PABPC4L: variants seen among roughly 807,000 people sequenced by gnomAD.
PABPC4L encodes the protein poly(A) binding protein cytoplasmic 4 like.
For missense variants in PABPC4L, 452 were observed against 451.4 expected, an observed-to-expected ratio of 1.00 and a Z score of -0.01; for synonymous variants, 169 against 164.1, an observed-to-expected ratio of 1.03 and a Z score of -0.23.
At chr4:134,190,810 C>T in the PABPC4L span, among the ~76,000 whole-genome samples, 1 of 151,954 alleles carries the variant, frequency 6.6e-6, no homozygotes, top group Non-Finnish European at 1.5e-5. Flanking sequence ...CCTCACCACG[C>T]CTAGCTGATT....
Position 134,199,016 on chromosome 4 carries a change from T to A in PABPC4L, c.*891A>T, listed in dbSNP as rs1729756997. ...AACAATATAAAAGAGATTTTAAAAGTTTTTAAACAGAATTTCTATAATCTG... is the reference window on the plus strand; with the variant it reads ...AACAATATAAAAGAGATTTTAAAAGATTTTAAACAGAATTTCTATAATCTG... On this transcript the variant is annotated 3_prime_UTR_variant, in exon 2 of 2. Coordinates refer to ENST00000421491, the MANE Select transcript of PABPC4L (RefSeq NM_001114734.2). 1 of 151,956 alleles carries A rather than the reference T, an allele frequency of 6.6e-6. No individual in the cohort carries two copies. Among genetic ancestry groups the A allele is most frequent in the Non-Finnish European group, 1.5e-5 (1 of 67,904 alleles). 9.4% of individuals were successfully genotyped at this position (151,956 alleles called of 1,614,324 possible). A position where few individuals can be genotyped will look rare whatever the true frequency, so the allele number is the denominator to read the frequency against.
the PABPC4L span, among the ~76,000 whole-genome samples, chr4:134,102,330 T>C: frequency 6.6e-6 from 1 of 151,370 alleles, no homozygotes; most frequent in African/African-American, 2.4e-5. Context: ...CTCATAAAAG[T>C]GCTATGAAAC....
the PABPC4L span, among the ~76,000 whole-genome samples, chr4:134,014,182 A>C: frequency 6.6e-6 from 1 of 152,094 alleles, no homozygotes; most frequent in Non-Finnish European, 1.5e-5. Flanking sequence ...TTTATTACCC[A>C]ATCTGCTCCC....
At chr4:133,983,255 C>A in the PABPC4L span, among the ~76,000 whole-genome samples, 1 of 151,914 alleles carries the variant, frequency 6.6e-6, no homozygotes, top group Admixed American at 6.6e-5. Context: ...AGTAACTTAG[C>A]CTCTTTGAGA....
the PABPC4L span, among the ~76,000 whole-genome samples, chr4:133,952,862 A>T: frequency 2.6e-5 from 4 of 152,050 alleles, no homozygotes; most frequent in Non-Finnish European, 4.4e-5. Flanking sequence ...ATTTGTTCTG[A>T]TCCCAGCCTA....
the PABPC4L span, among the ~76,000 whole-genome samples, chr4:133,952,283 T>C: frequency 6.6e-6 from 1 of 152,098 alleles, no homozygotes; most frequent in Non-Finnish European, 1.5e-5. Flanking sequence ...ATTTTCCTAT[T>C]CAAAGGCAAA....
At chr4:133,984,838 G>C in the PABPC4L span, among the ~76,000 whole-genome samples, 4 of 151,812 alleles carry the variant, frequency 2.6e-5, no homozygotes, top group African/African-American at 9.7e-5. Flanking sequence ...TCTTGCAAAA[G>C]GAGTTGTGAG....
the PABPC4L span, among the ~76,000 whole-genome samples, chr4:134,015,090 C>T: frequency 2.6e-5 from 4 of 152,052 alleles, no homozygotes; most frequent in Admixed American, 6.6e-5. Flanking sequence ...CCCTCCTTGG[C>T]GACTGATCAT....
chr4:134,138,363 T>C, the PABPC4L span, among the ~76,000 whole-genome samples: 1 of 151,826 alleles, frequency 6.6e-6, no homozygotes, highest in Non-Finnish European at 1.5e-5. Flanking sequence ...GTTATTCTCA[T>C]TGGAAGTCAA....
chr4:134,017,425 G>T, the PABPC4L span, among the ~76,000 whole-genome samples: 1 of 152,006 alleles, frequency 6.6e-6, no homozygotes, highest in African/African-American at 2.4e-5. Flanking sequence ...TACTTCTTCT[G>T]TCTAGTCATA....
At chr4:134,063,473 G>A in the PABPC4L span, among the ~76,000 whole-genome samples, 1 of 151,972 alleles carries the variant, frequency 6.6e-6, no homozygotes, top group East Asian at 1.9e-4. Flanking sequence ...AAATACATGG[G>A]TAACCTAAAT....
the PABPC4L span, chr4:133,977,852 T>C: frequency 8.5e-5 from 13 of 152,184 alleles, no homozygotes; most frequent in South Asian, 8.3e-4. Flanking sequence ...CCCAGGTACA[T>C]GGTATGGTAC....
chr4:133,998,231 T>C, the PABPC4L span, among the ~76,000 whole-genome samples: 1 of 151,916 alleles, frequency 6.6e-6, no homozygotes, highest in Admixed American at 6.6e-5. Context: ...ATAATGATGG[T>C]CTATATTTTC....
chr4:134,026,705 T>C, the PABPC4L span, among the ~76,000 whole-genome samples: 4 of 152,114 alleles, frequency 2.6e-5, no homozygotes, highest in Admixed American at 6.6e-5. Context: ...TTTATAGAGA[T>C]AATGAAGTTA....
chr4:133,963,297 C>A, the PABPC4L span, among the ~76,000 whole-genome samples: 3 of 152,024 alleles, frequency 2.0e-5, no homozygotes, highest in African/African-American at 7.2e-5. Flanking sequence ...ATATTACAAT[C>A]CTAAACATAT....
At chr4:133,959,642 A>G in the PABPC4L span, among the ~76,000 whole-genome samples, 4 of 152,220 alleles carry the variant, frequency 2.6e-5, no homozygotes, top group Non-Finnish European at 5.9e-5. Flanking sequence ...AGGTATTGTT[A>G]TAAGCGCAAT....
chr4:134,063,788 T>G, the PABPC4L span, among the ~76,000 whole-genome samples: 260 of 152,124 alleles, frequency 1.7e-3, no homozygotes, highest in Non-Finnish European at 3.4e-3. Flanking sequence ...ATAAAAAAAG[T>G]AAATGGGTGC....
Position 134,200,537 on chromosome 4 carries a change from T to C in PABPC4L, c.483A>G (p.Leu161=), listed in dbSNP as rs1405856004. The C allele has an allele frequency of 1.9e-6, 3 of 1,551,596 alleles. No individual in the cohort carries two copies. The highest frequency in any genetic ancestry group is 1.2e-5 in the South Asian group (1 of 84,064). ...CAACAAACACCTTGCAGCCCTTGAG[T>C]AGTTTTCCATTCATCTCCTCAATGG... ...DRAIEEMNGK[L]LKGCKVFVGR... The change falls in exon 2 of 2, where the codon CTA becomes CTG. Residue 161 remains leucine (L), a synonymous_variant. Transcript: ENST00000421491.
the PABPC4L span, among the ~76,000 whole-genome samples, chr4:134,032,384 T>C: frequency 6.6e-6 from 1 of 151,902 alleles, no homozygotes; most frequent in South Asian, 2.1e-4. Flanking sequence ...AGGGAGAGAA[T>C]TGTGATGGAA....
Sources: allele counts gnomAD v4.1 joint callset (sites outside exome capture counted in the v4.1 genomes callset), GRCh38; gene constraint gnomAD v4.1.1; transcripts MANE v1.5; gene names NCBI Gene and HGNC (gene_info 2026-07-23, HGNC 2026-07-21).